The following SULT2B1 variants were observed in gnomAD, a reference collection of about 807,000 sequenced individuals.
SULT2B1 encodes sulfotransferase 2B1.
In SULT2B1, 16 loss-of-function variants were observed where a neutral mutation model predicts 33.2. The observed-to-expected ratio is 0.48, with a 90% CI of 0.33 to 0.73. SULT2B1 has a LOEUF of 0.73. Ranked by LOEUF, SULT2B1 falls within the 30% of genes least tolerant of loss-of-function variation. The probability of loss-of-function intolerance (pLI) is 0.02; values close to 1 mark genes in which losing one functional copy is unlikely to be tolerated. For synonymous variants in SULT2B1, 186 were observed against 200.5 expected (o/e 0.93, Z 0.61); for missense variants, 500 against 506.0 (o/e 0.99, Z 0.11).
At chr19:48,578,916 T>C (rs761335953) in intron 2 of SULT2B1, among the ~76,000 whole-genome samples, 1 of 151,804 alleles carries the variant, frequency 6.6e-6, no homozygotes, top group Non-Finnish European at 1.5e-5. Flanking sequence ...AAGAACATTA[T>C]CATCATCCAA....
chr19:48,556,116 C>T (rs1012800392), intron 1 of SULT2B1, among the ~76,000 whole-genome samples: 1 of 152,196 alleles, frequency 6.6e-6, no homozygotes, highest in Non-Finnish European at 1.5e-5. Flanking sequence ...TGTCCTTTGC[C>T]TGGGCTGACC....
At chr19:48,563,810 C>T (rs887042566) in intron 1 of SULT2B1, among the ~76,000 whole-genome samples, 1 of 151,918 alleles carries the variant, frequency 6.6e-6, no homozygotes, top group South Asian at 2.1e-4. Context: ...ACTAAAAATA[C>T]AAAAATTAGC....
Position 48,552,421 on chromosome 19 carries a change from G to A in SULT2B1, c.71+98G>A, listed in dbSNP as rs117952387. On this transcript the variant is annotated intron_variant, in intron 1 of 6. Transcript: ENST00000201586. The surrounding 1 kb of genome is among the most constrained non-coding windows in gnomAD (Gnocchi z 4.8). ...TGGCAAGGGTGGCCTCCAGCCACCC[G>A]CAGCCGCAGGCCTGGCCCAGACTTA... The A allele has an allele frequency of 2.7e-3, 3,582 of 1,304,592 alleles. 64 individuals are homozygous for A. In the African/African-American group the frequency reaches 0.042, roughly 15 times the overall value. The allele number at this position is 1,304,592 out of a possible 1,614,324, so 80.8% of individuals were successfully genotyped here. A position where few individuals can be genotyped will look rare whatever the true frequency, so the allele number is the denominator to read the frequency against.
intron 3 of SULT2B1, 129 bp from the exon 4 acceptor site, chr19:48,591,480 A>T: frequency 8.8e-7 from 1 of 1,134,948 alleles, no homozygotes; most frequent in Non-Finnish European, 1.2e-6. Flanking sequence ...CGCAAAAAAA[A>T]AAGAGTCTGC....
At chr19:48,592,291 CA>C (rs1276258481) in intron 4 of SULT2B1, among the ~76,000 whole-genome samples, 1 of 148,870 alleles carries the variant, frequency 6.7e-6, no homozygotes, top group South Asian at 2.1e-4. Context: ...GACTCCGTCT[CA>C]AAAAAAATAA....
chr19:48,599,098 A>C lies in SULT2B1; in HGVS notation c.827-37A>C. ...TGGAGGTAGGGGCGCAGTGCTCCCC[A>C]GAGGCTCCTCACCCCCTGGTGCCCC... is the stretch of plus-strand genomic sequence containing the variant. On this transcript the variant is annotated intron_variant, in intron 6 of 6. Coordinates refer to ENST00000201586, the MANE Select transcript of SULT2B1 (RefSeq NM_177973.2). The surrounding 1 kb of genome is among the most constrained non-coding windows in gnomAD (Gnocchi z 4.1). 6.5e-7 allele frequency: 1 copy of C among 1,545,836 alleles called. No individual in the cohort carries two copies. The highest frequency in any genetic ancestry group is 8.7e-7 in the Non-Finnish European group (1 of 1,150,222).
At chr19:48,590,551 G>A (rs1362984333) in intron 3 of SULT2B1, among the ~76,000 whole-genome samples, 1 of 151,996 alleles carries the variant, frequency 6.6e-6, no homozygotes, top group East Asian at 2.0e-4. Flanking sequence ...GCAGTGAGCT[G>A]AGATCGTGCC....
At chr19:48,578,571 G>A (rs1973443991) in intron 2 of SULT2B1, among the ~76,000 whole-genome samples, 1 of 151,902 alleles carries the variant, frequency 6.6e-6, no homozygotes. Context: ...GGCAGAGACT[G>A]TCTCAAAAAC....
chr19:48,577,633 C>T (rs1371565685), intron 2 of SULT2B1, among the ~76,000 whole-genome samples: 3 of 151,556 alleles, frequency 2.0e-5, no homozygotes, highest in Non-Finnish European at 2.9e-5. Context: ...CAAAGTGCTG[C>T]GATTACAGGT....
chr19:48,599,385 C>G lies in SULT2B1; in HGVS notation c.1077C>G (p.Thr359=). 2 of 1,556,478 alleles carry G rather than the reference C, an allele frequency of 1.3e-6. No homozygotes were observed. Among genetic ancestry groups the G allele is most frequent in the Non-Finnish European group, 1.7e-6 (2 of 1,150,234 alleles). ...PSPSPGQASE[T]PHPRPS is the part of the protein sequence containing the mutation. ...CCAGCCCCGGCCAGGCCTCTGAGAC[C>G]CCGCACCCACGACCCTCATAATAAA... is the stretch of plus-strand genomic sequence containing the variant. The change falls in exon 7 of 7, where the codon ACC becomes ACG. Residue 359 remains threonine, a synonymous_variant. Coordinates refer to ENST00000201586, the MANE Select transcript of SULT2B1 (RefSeq NM_177973.2). This position sits in a 1 kb window ranked among gnomAD's most constrained non-coding sequence, Gnocchi z 4.1.
At chr19:48,574,632 G>A (rs1404477610) in intron 1 of SULT2B1, among the ~76,000 whole-genome samples, 2 of 152,114 alleles carry the variant, frequency 1.3e-5, no homozygotes, top group African/African-American at 4.8e-5. Flanking sequence ...ATATTATCCC[G>A]TTGAATCCCC....
At chr19:48,591,765 G>A (rs1248379641) in intron 4 of SULT2B1, 30 bp downstream of exon 4, 9 of 1,541,692 alleles carry the variant, frequency 5.8e-6, no homozygotes, top group Non-Finnish European at 6.1e-6. Flanking sequence ...GGGCAGGAGG[G>A]GTGGGGAGGA....
intron 1 of SULT2B1, among the ~76,000 whole-genome samples, chr19:48,567,960 G>A (rs185481597): frequency 5.3e-5 from 8 of 151,764 alleles, no homozygotes; most frequent in African/African-American, 1.9e-4. Context: ...GAGCAACAGA[G>A]CAAGGCCCTG....
At position 48,569,296 on chromosome 19, in the gene SULT2B1, C is replaced by T. The variant is rs536256490; in HGVS notation, c.72-6645C>T. ...GGCGGAGCTTGCAGTGAGCCAAGAT[C>T]GCGCCACTGCACTCCAGCCTGGGCG... On this transcript the variant is annotated intron_variant, in intron 1 of 6. Transcript: ENST00000201586. Among the ~76,000 whole-genome samples the T allele has an allele frequency of 2.0e-3, 299 of 147,476 alleles. 1 individual carries two copies. Among genetic ancestry groups the T allele is most frequent in the Non-Finnish European group, 3.4e-3 (226 of 67,344 alleles).
chr19:48,573,252 G>C (rs1973355517), intron 1 of SULT2B1, among the ~76,000 whole-genome samples: 1 of 151,950 alleles, frequency 6.6e-6, no homozygotes, highest in South Asian at 2.1e-4. Flanking sequence ...TCACCTGCCT[G>C]CTGTGGCCAC....
In SULT2B1 at chr19:48,556,058, T is replaced by A. The variant is rs769471157; in HGVS notation, c.71+3735T>A. ...CCCGGCCTAATTTTTGTATCTTTAG[T>A]AGAGAAAGGGTTTCGCCACTTTCGG... On this transcript the variant is annotated intron_variant, in intron 1 of 6. Transcript: ENST00000201586. 1.5e-3 allele frequency among the ~76,000 whole-genome samples: 233 copies of A among 152,248 alleles called. 1 individual carries two copies. The highest frequency in any genetic ancestry group is 1.9e-4 in the Non-Finnish European group (13 of 68,024).
intron 6 of SULT2B1, among the ~76,000 whole-genome samples, chr19:48,598,283 GCC>G (rs1476463884): frequency 6.6e-6 from 1 of 152,072 alleles, no homozygotes; most frequent in East Asian, 1.9e-4. Context: ...CCCTGTGATA[GCC>G]CCACAATGAG....
In SULT2B1 at chr19:48,595,154, T is replaced by C. The variant is rs183031891; in HGVS notation, c.646-1585T>C. Among the ~76,000 whole-genome samples the C allele has an allele frequency of 2.9e-3, 435 of 152,136 alleles. 2 individuals are homozygous for C. Among genetic ancestry groups the C allele is most frequent in the African/African-American group, 9.4e-3 (392 of 41,496 alleles). On this transcript the variant is annotated intron_variant, in intron 5 of 6. Coordinates refer to ENST00000201586, the MANE Select transcript of SULT2B1 (RefSeq NM_177973.2). ...AAAATTAGCCAGGCGTGGTGGCACATGCCTGTAATCCCAGCTACTCGGGAA... is the reference window on the plus strand; with the variant it reads ...AAAATTAGCCAGGCGTGGTGGCACACGCCTGTAATCCCAGCTACTCGGGAA...
At chr19:48,598,229 C>T (rs2147633123) in intron 6 of SULT2B1, among the ~76,000 whole-genome samples, 1 of 152,262 alleles carries the variant, frequency 6.6e-6, no homozygotes, top group South Asian at 2.1e-4. Context: ...AACTACGGTC[C>T]TCTGAATGCC....
Sources: gnomAD v4.1 joint callset for allele counts (sites outside exome capture counted in the v4.1 genomes callset) on GRCh38, gnomAD v4.1.1 for gene constraint, Gnocchi (gnomAD v3.1) non-coding constraint, MANE v1.5 for transcripts, NCBI Gene and HGNC (gene_info 2026-07-23, HGNC 2026-07-21) for gene names.